PLXND1: variants seen among roughly 807,000 people sequenced by gnomAD.
The protein encoded by PLXND1 is plexin D1.
Under a neutral mutation model 197.7 loss-of-function variants are expected in PLXND1, and 54 were observed. The ratio of observed to expected loss-of-function variants is 0.27; its 90% CI spans 0.22 to 0.34. PLXND1 has a LOEUF of 0.34. Ranked by LOEUF, PLXND1 falls within the 10% of genes least tolerant of loss-of-function variation. PLXND1 has a pLI of 1.00. For synonymous variants in PLXND1, 1,180 were observed against 1,161.2 expected (o/e 1.02, Z -0.33); for missense variants, 2,127 against 2,699.2 (o/e 0.79, Z 4.70).
chr3:129,567,634 C>T (rs776663573), intron 21 of PLXND1, 30 bp from the exon 22 acceptor site: 2 of 1,584,710 alleles, frequency 1.3e-6, no homozygotes, highest in South Asian at 1.1e-5. Context: ...CCGTGAGCGG[C>T]CCGAGAACCC....
chr3:129,588,515 AC>A (rs1356172712), intron 2 of PLXND1, among the ~76,000 whole-genome samples: 1 of 152,140 alleles, frequency 6.6e-6, no homozygotes, highest in Non-Finnish European at 1.5e-5. Context: ...GACGAGCCCC[AC>A]ATTTTTCCTC....
intron 1 of PLXND1, 30 bp downstream of exon 1, chr3:129,605,272 CCCGCCCCCGCCCCCGCCGCCGCCGCCG>C: frequency 1.7e-6 from 1 of 591,598 alleles, no homozygotes; most frequent in Non-Finnish European, 2.4e-6. Context: ...CCCGCCCGCC[CCCGCCCCCGCCCCCGCCGCCGCCGCCG>C]CCGCCGCCGC....
chr3:129,603,830 C>T lies in PLXND1; in HGVS notation c.1311+1499G>A, dbSNP rs531322525. Among the ~76,000 whole-genome samples the T allele has an allele frequency of 2.6e-5, 4 of 152,308 alleles. No individual in the cohort carries two copies. In the South Asian group the frequency reaches 6.2e-4, roughly 24 times the overall value. The stretch of plus-strand genomic sequence containing the variant: ...GTGGGGCCCCAAGGAAGGCTTGGGT[C>T]ACCACAAGAAGGCTGAGTTCTGCAT... On this transcript the variant is annotated intron_variant, in intron 1 of 35. Transcript: ENST00000324093.
chr3:129,594,225 T>C (rs574587173), intron 1 of PLXND1, among the ~76,000 whole-genome samples: 2 of 152,242 alleles, frequency 1.3e-5, no homozygotes, highest in South Asian at 2.1e-4. Context: ...CTGCCTGAAG[T>C]GTTTGATTGT....
At chr3:129,592,617 C>G (rs958004412) in intron 1 of PLXND1, among the ~76,000 whole-genome samples, 3 of 152,242 alleles carry the variant, frequency 2.0e-5, no homozygotes, top group East Asian at 1.9e-4. Flanking sequence ...CCCGCTCCCC[C>G]CTCCCCCACC....
rs1281948402 is a variant in PLXND1, at chr3:129,555,334, A to C, written c.*978T>G. On this transcript the variant is annotated 3_prime_UTR_variant, in exon 36 of 36. Coordinates refer to ENST00000324093, the MANE Select transcript of PLXND1 (RefSeq NM_015103.3). ...GCTGAGTTGGCTGCGAGGGGCCCGC[A>C]TGGCCCATCGGCCACAGAGGGTCGT... is the stretch of plus-strand genomic sequence containing the variant. 2 of 583,710 alleles carry C rather than the reference A, an allele frequency of 3.4e-6. No homozygotes were observed. Among genetic ancestry groups the C allele is most frequent in the Non-Finnish European group, 6.0e-6 (2 of 333,958 alleles). The allele number at this position is 583,710 out of a possible 1,614,324, so 36.2% of individuals were successfully genotyped here.
In PLXND1 at chr3:129,556,431, G is replaced by T; in HGVS notation, c.5662-3C>A. ...TTGGCCTCCAGCGCGGCCATGATCT[G>T]AGGGGAGCAGCGGAGTCAGCCGGGC... On this transcript the variant is annotated splice_polypyrimidine_tract_variant and splice_region_variant and intron_variant, in intron 35 of 35. Coordinates refer to ENST00000324093, the MANE Select transcript of PLXND1 (RefSeq NM_015103.3). 1 of 1,610,950 alleles carries T rather than the reference G, an allele frequency of 6.2e-7. No individual in the cohort carries two copies. The highest frequency in any genetic ancestry group is 8.5e-7 in the Non-Finnish European group (1 of 1,177,056).
intron 8 of PLXND1, among the ~76,000 whole-genome samples, chr3:129,582,728 C>T (rs1208568880): frequency 6.6e-6 from 1 of 152,244 alleles, no homozygotes; most frequent in Non-Finnish European, 1.5e-5. Context: ...AGAAACCAAC[C>T]AGGGGCGAGG....
intron 8 of PLXND1, among the ~76,000 whole-genome samples, chr3:129,579,519 CCA>C (rs1430874612): frequency 1.3e-5 from 2 of 152,178 alleles, no homozygotes; most frequent in Non-Finnish European, 2.9e-5. Context: ...TATGGACCCC[CCA>C]ACCTGCCCTG....
chr3:129,595,751 C>T (rs920627788), intron 1 of PLXND1, among the ~76,000 whole-genome samples: 21 of 152,136 alleles, frequency 1.4e-4, no homozygotes, highest in African/African-American at 4.1e-4. Context: ...CCAGCCAGGC[C>T]GCCCTGAGGG....
intron 6 of PLXND1, 73 bp downstream of exon 6, chr3:129,584,312 C>T: frequency 6.3e-7 from 1 of 1,596,682 alleles, no homozygotes; most frequent in Non-Finnish European, 8.6e-7. Context: ...ACCTCTGGCC[C>T]CCTGCCATCC....
intron 1 of PLXND1, chr3:129,591,219 T>A (rs1418586009): frequency 6.6e-6 from 1 of 152,244 alleles, no homozygotes; most frequent in Admixed American, 6.5e-5. Context: ...TTCCGGAGGA[T>A]GACGGCGGGT....
rs767317231 is a variant in PLXND1, at chr3:129,575,896, C to T, written c.2347-41G>A. The T allele has an allele frequency of 6.4e-6, 8 of 1,246,316 alleles. No individual in the cohort carries two copies. The South Asian group carries it at 9.8e-5, about 15-fold the overall frequency. The allele number at this position is 1,246,316 out of a possible 1,614,324, so 77.2% of individuals were successfully genotyped here. A position where few individuals can be genotyped will look rare whatever the true frequency, so the allele number is the denominator to read the frequency against. On this transcript the variant is annotated intron_variant, in intron 9 of 35. Transcript: ENST00000324093. ...AGTGGGAGGCGGGTTTGAGGAGAACCAAGCCAGCATGCATTGCCCTCTAAC... is the reference window on the plus strand; with the variant it reads ...AGTGGGAGGCGGGTTTGAGGAGAACTAAGCCAGCATGCATTGCCCTCTAAC...
rs760187831 is a variant in PLXND1, at chr3:129,572,734, G to C, written c.2952C>G (p.His984Gln). The C allele has an allele frequency of 8.8e-6, 14 of 1,598,664 alleles. No individual in the cohort carries two copies. The highest frequency in any genetic ancestry group is 1.1e-5 in the Non-Finnish European group (13 of 1,170,798). The change falls in exon 15 of 36, where the codon CAC (histidine) becomes CAG (glutamine). Residue 984 changes from histidine to glutamine, a missense_variant. By Grantham distance (24) the His-to-Gln change is conservative. Coordinates refer to ENST00000324093, the MANE Select transcript of PLXND1 (RefSeq NM_015103.3). ...TGGGGCCCATGGTAGGCTCCAGGGA[G>C]TGGACCAGGGGCAGCTGTGGGAGGA... Reference protein sequence around the residue: ...DRFSYVLPLVHSLEPTMGPKA... With the variant: ...DRFSYVLPLVQSLEPTMGPKA...
intron 12 of PLXND1, 65 bp from the exon 13 acceptor site, chr3:129,573,810 A>G (rs796705856): frequency 5.8e-6 from 9 of 1,554,148 alleles, no homozygotes; most frequent in African/African-American, 5.4e-5. Context: ...GCTTCTGCCC[A>G]CAGTCACAGG....
At chr3:129,562,381 A>C (rs2085074686) in intron 27 of PLXND1, 1 of 232,222 alleles carries the variant, frequency 4.3e-6, no homozygotes, top group Non-Finnish European at 8.5e-6. Flanking sequence ...GTGGTGGTGC[A>C]CTCCTGTAGT....
intron 30 of PLXND1, 87 bp downstream of exon 30, chr3:129,560,602 C>T: frequency 1.7e-6 from 2 of 1,146,714 alleles, no homozygotes; most frequent in Admixed American, 3.5e-5. Flanking sequence ...GCTGGGAGCA[C>T]TTTTCCCAAG....
chr3:129,606,133 G>C lies in PLXND1; in HGVS notation c.507C>G (p.Pro169=). 1 of 1,510,490 alleles carries C rather than the reference G, an allele frequency of 6.6e-7. No homozygotes were observed. Among genetic ancestry groups the C allele is most frequent in the Admixed American group, 2.1e-5 (1 of 47,276 alleles). The allele number at this position is 1,510,490 out of a possible 1,614,324, so 93.6% of individuals were successfully genotyped here. ...VAVRFPPAAP[P]AEPVTVFPSM... ...TGGGGAACACCGTGACGGGCTCGGC[G>C]GGCGGCGCGGCGGGCGGGAAGCGCA... Residue 169 remains proline (P), a synonymous_variant, in exon 1 of 36, where the codon CCC becomes CCG. Transcript: ENST00000324093.
At chr3:129,601,702 G>A (rs2085711083) in intron 1 of PLXND1, among the ~76,000 whole-genome samples, 1 of 152,108 alleles carries the variant, frequency 6.6e-6, no homozygotes, top group African/African-American at 2.4e-5. Flanking sequence ...CCACCCCATG[G>A]GTACCAACAT....
Sources: allele counts gnomAD v4.1 joint callset (sites outside exome capture counted in the v4.1 genomes callset), GRCh38; gene constraint gnomAD v4.1.1; transcripts MANE v1.5; gene names NCBI Gene and HGNC (gene_info 2026-07-23, HGNC 2026-07-21).